Variants in RIT2 observed in about 807,000 individuals in gnomAD.
RIT2 encodes Ras like without CAAX 2, also known as GTP-binding protein Rit2.
In RIT2, 24 loss-of-function variants were observed where a neutral mutation model predicts 23.7. That is an observed-to-expected ratio of 1.01 (90% confidence interval 0.73 to 1.43). The LOEUF is 1.43. Ranked by LOEUF, RIT2 falls within the 40% of genes most tolerant of loss-of-function variation. The pLI is 0.00. For missense variants in RIT2, 236 were observed against 266.9 expected, an observed-to-expected ratio of 0.88 and a Z score of 0.81; for synonymous variants, 107 against 91.1, an observed-to-expected ratio of 1.17 and a Z score of -0.99.
At position 42,760,710 on chromosome 18, in the gene RIT2, G is replaced by T. The variant is rs775888948; in HGVS notation, c.427-16990C>A. On this transcript the variant is annotated intron_variant, in intron 4 of 4. Transcript: ENST00000326695. ...ATACTCAATGTCCTCATCTTAAAAT[G>T]GGTTAAAAAGAGACATGATTGATAT... is the stretch of plus-strand genomic sequence containing the variant. Among the ~76,000 whole-genome samples, 4 of 152,130 alleles carry T rather than the reference G, an allele frequency of 2.6e-5. No homozygotes were observed. The South Asian group carries it at 8.3e-4, about 32-fold the overall frequency.
intron 4 of RIT2, among the ~76,000 whole-genome samples, chr18:42,744,461 C>CA (rs1482934280): frequency 1.3e-5 from 2 of 151,998 alleles, no homozygotes; most frequent in Non-Finnish European, 2.9e-5. Context: ...CTCCAGAATT[C>CA]AAAAAAGCAA....
At chr18:42,794,207 C>G (rs1199266372) in intron 4 of RIT2, among the ~76,000 whole-genome samples, 1 of 152,118 alleles carries the variant, frequency 6.6e-6, no homozygotes, top group Non-Finnish European at 1.5e-5. Context: ...CTAGGCCACA[C>G]GTTGCCTAGC....
chr18:42,998,388 G>A (rs1303301557), intron 2 of RIT2, among the ~76,000 whole-genome samples: 2 of 152,116 alleles, frequency 1.3e-5, no homozygotes, highest in East Asian at 3.9e-4. Context: ...TCCCATTTTA[G>A]TTTTGGCTAT....
chr18:42,996,893 T>A (rs750590155), intron 2 of RIT2, among the ~76,000 whole-genome samples: 1 of 152,188 alleles, frequency 6.6e-6, no homozygotes, highest in Non-Finnish European at 1.5e-5. Flanking sequence ...GTCATCCCTA[T>A]GAAAACTGTT....
chr18:42,949,075 C>T (rs1277396576), intron 3 of RIT2: 3 of 397,550 alleles, frequency 7.5e-6, no homozygotes, highest in South Asian at 2.5e-4. Flanking sequence ...ATAGAGAGTG[C>T]TGCAGCAATA....
At chr18:43,097,470 C>A (rs531068711) in intron 1 of RIT2, among the ~76,000 whole-genome samples, 1 of 151,910 alleles carries the variant, frequency 6.6e-6, no homozygotes, top group East Asian at 1.9e-4. Flanking sequence ...ATATTTACCT[C>A]TTAGTTCTTG....
intron 4 of RIT2, among the ~76,000 whole-genome samples, chr18:42,864,855 T>C (rs1907427678): frequency 6.6e-6 from 1 of 152,180 alleles, no homozygotes; most frequent in Non-Finnish European, 1.5e-5. Context: ...TGGGGATTGC[T>C]ATAGACCCAG....
chr18:42,785,446 C>G (rs998488102), intron 4 of RIT2, among the ~76,000 whole-genome samples: 15 of 129,198 alleles, frequency 1.2e-4, no homozygotes, highest in African/African-American at 5.8e-4. Context: ...TTCTTGGCCT[C>G]TCTTTTTTTT....
At chr18:42,946,490 G>T (rs1352285275) in intron 3 of RIT2, among the ~76,000 whole-genome samples, 1 of 151,908 alleles carries the variant, frequency 6.6e-6, no homozygotes, top group Non-Finnish European at 1.5e-5. Context: ...TACTATACAG[G>T]TATATTTTTA....
intron 2 of RIT2, among the ~76,000 whole-genome samples, chr18:42,995,995 T>C (rs1885599152): frequency 6.6e-6 from 1 of 152,174 alleles, no homozygotes; most frequent in South Asian, 2.1e-4. Flanking sequence ...ACTCTTAAAG[T>C]AAATAAATAA....
In RIT2 at chr18:42,908,148, C is replaced by G. The variant is rs540235783; in HGVS notation, c.426+15424G>C. Among the ~76,000 whole-genome samples, 305 of 147,060 alleles carry G rather than the reference C, an allele frequency of 2.1e-3. 2 individuals carry two copies. Among genetic ancestry groups the G allele is most frequent in the African/African-American group, 7.1e-3 (286 of 40,172 alleles). On this transcript the variant is annotated intron_variant, in intron 4 of 4. Transcript: ENST00000326695. Reference sequence around the variant, plus strand: ...ATAACCAAACAAAGAAAAAAAAAAGCAAAAATTTCACTGGATGTTCTTAAT... The same window carrying G: ...ATAACCAAACAAAGAAAAAAAAAAGGAAAAATTTCACTGGATGTTCTTAAT...
intron 1 of RIT2, among the ~76,000 whole-genome samples, chr18:43,088,071 G>A (rs1471239261): frequency 6.6e-6 from 1 of 152,142 alleles, no homozygotes; most frequent in Non-Finnish European, 1.5e-5. Flanking sequence ...CATAATAGCT[G>A]TATAGTCTTG....
chr18:42,808,096 G>A (rs1041131186), intron 4 of RIT2, among the ~76,000 whole-genome samples: 1 of 152,148 alleles, frequency 6.6e-6, no homozygotes, highest in African/African-American at 2.4e-5. Context: ...ATGAATTCCT[G>A]GAAGACTTAG....
At chr18:43,101,044 T>C (rs1397977386) in intron 1 of RIT2, among the ~76,000 whole-genome samples, 1 of 151,264 alleles carries the variant, frequency 6.6e-6, no homozygotes, top group East Asian at 1.9e-4. Flanking sequence ...CTGTGTATAA[T>C]GTATGTGTGT....
chr18:42,836,408 CAT>C (rs573362593), intron 4 of RIT2, among the ~76,000 whole-genome samples: 72 of 152,066 alleles, frequency 4.7e-4, no homozygotes, highest in Admixed American at 1.6e-3. Context: ...CTTAGGAGCC[CAT>C]GTGTGTGGAA....
chr18:43,006,814 G>T (rs1171936999), intron 2 of RIT2, among the ~76,000 whole-genome samples: 2 of 151,332 alleles, frequency 1.3e-5, no homozygotes, highest in Admixed American at 1.3e-4. Flanking sequence ...TGATTTTCTG[G>T]AATTAAAAAG....
chr18:42,976,476 C>T (rs1439518931), intron 2 of RIT2, among the ~76,000 whole-genome samples: 1 of 151,990 alleles, frequency 6.6e-6, no homozygotes, highest in Non-Finnish European at 1.5e-5. Context: ...TGGGTGTAAA[C>T]CCTGGTTCCA....
At chr18:42,942,699 G>C (rs935755995) in intron 3 of RIT2, among the ~76,000 whole-genome samples, 1 of 152,110 alleles carries the variant, frequency 6.6e-6, no homozygotes. Flanking sequence ...GTGTGGGTGT[G>C]AGTGTGGCCA....
chr18:43,093,846 A>G (rs539051238), intron 1 of RIT2, among the ~76,000 whole-genome samples: 1 of 152,156 alleles, frequency 6.6e-6, no homozygotes, highest in Admixed American at 6.6e-5. Flanking sequence ...TCACCACACT[A>G]TCTTCACATT....
Sources: allele counts gnomAD v4.1 joint callset (sites outside exome capture counted in the v4.1 genomes callset), GRCh38; gene constraint gnomAD v4.1.1; transcripts MANE v1.5; gene names NCBI Gene and HGNC (gene_info 2026-07-23, HGNC 2026-07-21).